The following ADAM22 variants were observed in gnomAD, a reference collection of about 807,000 sequenced individuals.
ADAM22 encodes ADAM metallopeptidase domain 22.
Under a neutral mutation model 144.6 loss-of-function variants are expected in ADAM22, and 65 were observed. The observed-to-expected ratio is 0.45, with a 90% CI of 0.37 to 0.55. The LOEUF (loss-of-function observed/expected upper bound fraction) is 0.55, where lower values mean the gene tolerates loss of function less well. Ranked by LOEUF, ADAM22 falls within the 20% of genes least tolerant of loss-of-function variation. ADAM22 has a pLI of 0.00. For synonymous variants in ADAM22, 391 were observed against 412.6 expected, an observed-to-expected ratio of 0.95 and a Z score of 0.63; for missense variants, 974 against 1,184.9, an observed-to-expected ratio of 0.82 and a Z score of 2.61.
chr7:87,936,418 C>T (rs1272176667), intron 2 of ADAM22, among the ~76,000 whole-genome samples: 3 of 152,110 alleles, frequency 2.0e-5, no homozygotes, highest in Non-Finnish European at 4.4e-5. Flanking sequence ...GCCATAGTTT[C>T]CCTATGTCAT....
At chr7:88,186,077 C>G (rs761492441) in intron 29 of ADAM22, 1 of 155,968 alleles carries the variant, frequency 6.4e-6, no homozygotes, top group Non-Finnish European at 1.4e-5. Flanking sequence ...AACATACTTT[C>G]ATGTTGACTC....
intron 2 of ADAM22, among the ~76,000 whole-genome samples, chr7:87,964,933 G>C (rs1848711833): frequency 6.6e-6 from 1 of 152,188 alleles, no homozygotes; most frequent in Non-Finnish European, 1.5e-5. Context: ...TGCATTGCAA[G>C]ACTACATGGT....
In ADAM22 at chr7:88,163,182, T is replaced by G; in HGVS notation, c.2076+2T>G. 6.2e-7 allele frequency: 1 copy of G among 1,602,416 alleles called. No individual in the cohort carries two copies. Among genetic ancestry groups the G allele is most frequent in the Non-Finnish European group, 8.5e-7 (1 of 1,175,776 alleles). On this transcript the variant is annotated splice_donor_variant, in intron 23 of 31. Coordinates refer to ENST00000413139, the MANE Select transcript of ADAM22 (RefSeq NM_001324418.2). LOFTEE classifies it high-confidence loss of function. ...GGCACTATTTGCTCAGGAAATGGAG[T>G]AAGTATCCAGTACCTTGTCAGAATC... is the stretch of plus-strand genomic sequence containing the variant.
At chr7:88,077,917 G>T (rs1425844236) in intron 4 of ADAM22, among the ~76,000 whole-genome samples, 2 of 152,208 alleles carry the variant, frequency 1.3e-5, no homozygotes, top group Non-Finnish European at 2.9e-5. Context: ...ACCTCTGGGG[G>T]CAGGGCACAG....
At chr7:88,109,016 T>C (rs1193736813) in intron 5 of ADAM22, among the ~76,000 whole-genome samples, 1 of 152,196 alleles carries the variant, frequency 6.6e-6, no homozygotes, top group African/African-American at 2.4e-5. Context: ...AGCCCCTTGA[T>C]ATTCTTCCCT....
intron 21 of ADAM22, among the ~76,000 whole-genome samples, chr7:88,154,620 G>C (rs1191677667): frequency 6.6e-6 from 1 of 151,824 alleles, no homozygotes; most frequent in African/African-American, 2.4e-5. Flanking sequence ...TTCTTATTTA[G>C]AGTATAATTT....
intron 3 of ADAM22, among the ~76,000 whole-genome samples, chr7:87,980,304 G>A (rs1683237720): frequency 3.6e-5 from 1 of 27,962 alleles, no homozygotes; most frequent in Non-Finnish European, 6.3e-5. Context: ...TTTTTTGCCT[G>A]GGATCGATGT....
chr7:88,050,157 G>A (rs980752562), intron 3 of ADAM22, among the ~76,000 whole-genome samples: 1 of 148,666 alleles, frequency 6.7e-6, no homozygotes. Flanking sequence ...GCCAAGGCAG[G>A]AAGATAACTT....
At chr7:88,068,982 G>T (rs913547135) in intron 3 of ADAM22, among the ~76,000 whole-genome samples, 2 of 152,090 alleles carry the variant, frequency 1.3e-5, no homozygotes, top group African/African-American at 4.8e-5. Flanking sequence ...AGTATGAAGA[G>T]GTGGGACCTT....
chr7:88,147,372 T>A (rs17150270), intron 17 of ADAM22, among the ~76,000 whole-genome samples: 17,922 of 152,284 alleles, frequency 0.12, 1,826 homozygotes, highest in East Asian at 0.48. Context: ...TATAATAGTG[T>A]ATCTATAAGC....
chr7:88,114,480 C>T, intron 5 of ADAM22, 104 bp from the exon 6 acceptor site: 2 of 967,386 alleles, frequency 2.1e-6, no homozygotes, highest in Non-Finnish European at 3.3e-6. Context: ...GGGAAATGGG[C>T]ATTGAGAAGC....
At chr7:88,066,696 C>A (rs1811339824) in intron 3 of ADAM22, among the ~76,000 whole-genome samples, 1 of 151,880 alleles carries the variant, frequency 6.6e-6, no homozygotes, top group Admixed American at 6.6e-5. Flanking sequence ...GGGGGTACTC[C>A]AATGTTTAGG....
intron 3 of ADAM22, among the ~76,000 whole-genome samples, chr7:88,060,779 A>C (rs184543959): frequency 1.5e-4 from 23 of 150,780 alleles, no homozygotes; most frequent in African/African-American, 4.6e-4. Context: ...AAAAAAAAAA[A>C]AACAAAAAAC....
intron 14 of ADAM22, among the ~76,000 whole-genome samples, chr7:88,141,873 A>T (rs1297158962): frequency 6.6e-6 from 1 of 152,152 alleles, no homozygotes; most frequent in African/African-American, 2.4e-5. Flanking sequence ...CTTTGTTCGT[A>T]CATCTTTGTG....
At chr7:88,061,387 A>G (rs1809816470) in intron 3 of ADAM22, among the ~76,000 whole-genome samples, 1 of 152,184 alleles carries the variant, frequency 6.6e-6, no homozygotes, top group South Asian at 2.1e-4. Context: ...CAGATCCATC[A>G]GAGGAATCGC....
At chr7:88,034,671 TTAGCC>T (rs1460515303) in intron 3 of ADAM22, among the ~76,000 whole-genome samples, 1 of 152,154 alleles carries the variant, frequency 6.6e-6, no homozygotes, top group Non-Finnish European at 1.5e-5. Context: ...CCGAAGCACT[TTAGCC>T]TCAGGTAGTG....
intron 3 of ADAM22, among the ~76,000 whole-genome samples, chr7:88,019,674 C>T (rs1797298941): frequency 6.6e-6 from 1 of 151,846 alleles, no homozygotes; most frequent in Admixed American, 6.6e-5. Flanking sequence ...ACGGTAAAAC[C>T]CTGTGTCTAC....
rs142569914 is a variant in ADAM22, at chr7:88,125,487, G to A, written c.608-102G>A. The A allele has an allele frequency of 1.1e-5, 8 of 697,556 alleles. No individual in the cohort carries two copies. The South Asian group carries it at 1.4e-4, about 12-fold the overall frequency. The allele number at this position is 697,556 out of a possible 1,614,324, so 43.2% of individuals were successfully genotyped here. On this transcript the variant is annotated intron_variant, in intron 7 of 31. Transcript: ENST00000413139. ...GTGTGATCGTTAAGTGCAACATTATGTATTATAAAATTCATAAGAAGGAAG... is the reference window on the plus strand; with the variant it reads ...GTGTGATCGTTAAGTGCAACATTATATATTATAAAATTCATAAGAAGGAAG...
At chr7:88,160,975 G>A (rs999399398) in intron 22 of ADAM22, among the ~76,000 whole-genome samples, 13 of 152,012 alleles carry the variant, frequency 8.6e-5, no homozygotes, top group African/African-American at 3.1e-4. Context: ...GGGGCAGGGG[G>A]AAGGGGGAGA....
Sources: gnomAD v4.1 joint callset for allele counts (sites outside exome capture counted in the v4.1 genomes callset) on GRCh38, gnomAD v4.1.1 for gene constraint, MANE v1.5 for transcripts, NCBI Gene and HGNC (gene_info 2026-07-23, HGNC 2026-07-21) for gene names.